The following CAMSAP3 variants were observed in gnomAD, a reference collection of about 807,000 sequenced individuals.
CAMSAP3 encodes the protein calmodulin regulated spectrin associated protein family member 3, also known as calmodulin-regulated spectrin-associated protein 3.
Under a neutral mutation model 112.5 loss-of-function variants are expected in CAMSAP3, and 34 were observed. The observed-to-expected ratio is 0.30, with a 90% confidence interval of 0.23 to 0.40. CAMSAP3 has a LOEUF of 0.40. Ranked by LOEUF, CAMSAP3 falls within the 10% of genes least tolerant of loss-of-function variation. CAMSAP3 has a pLI of 1.00. For missense variants in CAMSAP3, 1,602 were observed against 1,770.3 expected, an observed-to-expected ratio of 0.90 and a Z score of 1.71; for synonymous variants, 868 against 799.8, an observed-to-expected ratio of 1.09 and a Z score of -1.44.
intron 1 of CAMSAP3, among the ~76,000 whole-genome samples, chr19:7,602,291 C>T (rs2030001590): frequency 6.6e-6 from 1 of 152,142 alleles, no homozygotes; most frequent in Non-Finnish European, 1.5e-5. Flanking sequence ...AAAGAATTTT[C>T]CAGCCCCAAG....
Position 7,613,086 on chromosome 19 carries a change from G to A in CAMSAP3, c.2593G>A (p.Ala865Thr), listed in dbSNP as rs1362615786. The A allele has an allele frequency of 3.2e-6, 5 of 1,547,168 alleles. No individual in the cohort carries two copies. In the Admixed American group the frequency reaches 9.8e-5, roughly 30 times the overall value. ...CGAGGACGAGGGAGACGGGAGCCCCGCTGGTGCTGAGGATTCCTTGGAGGA... is the reference window on the plus strand; with the variant it reads ...CGAGGACGAGGGAGACGGGAGCCCCACTGGTGCTGAGGATTCCTTGGAGGA... Reference protein sequence around the residue: ...AAEDEGDGSPAGAEDSLEEEA... With the variant: ...AAEDEGDGSPTGAEDSLEEEA... Residue 865 changes from alanine (A) to threonine (T), a missense_variant, in exon 11 of 17, where the codon GCT becomes ACT. Around this residue, in one of 6 missense-constraint regions of CAMSAP3, gnomAD observed 1,100 missense variants for 1,135.7 expected, o/e 0.97. Coordinates refer to ENST00000160298, the MANE Select transcript of CAMSAP3 (RefSeq NM_020902.2).
chr19:7,617,904 A>G lies in CAMSAP3; in HGVS notation c.3597A>G (p.Glu1199=). The change falls in exon 17 of 17, where the codon GAA becomes GAG. Residue 1199 remains glutamate, a synonymous_variant. Transcript: ENST00000160298. The surrounding 1 kb of genome is among the most constrained non-coding windows in gnomAD (Gnocchi z 7.5). ...GGACCGTCACGCCCGCCATGGTGGAAGGCATCTACAAGTACAACTCGGACC... is the reference window on the plus strand; with the variant it reads ...GGACCGTCACGCCCGCCATGGTGGAGGGCATCTACAAGTACAACTCGGACC... ...GPRTVTPAMV[E]GIYKYNSDRK... 1.2e-6 allele frequency: 2 copies of G among 1,614,052 alleles called. No homozygotes were observed. Among genetic ancestry groups the G allele is most frequent in the Non-Finnish European group, 1.7e-6 (2 of 1,180,020 alleles).
In CAMSAP3 at chr19:7,615,279, T is replaced by C. The variant is rs965811457; in HGVS notation, c.2767T>C (p.Trp923Arg). ...RAEEARRRKQWQEVEKEQRRE... is the reference protein window; with the variant it reads ...RAEEARRRKQRQEVEKEQRRE... ...AGAGGAGGCGCGGCGGCGCAAGCAG[T>C]GGCAGGAGGTGGAGAAGGAACAGCG... Residue 923 changes from tryptophan (W) to arginine (R), a missense_variant, in exon 12 of 17, where the codon TGG (tryptophan) becomes CGG (arginine). By Grantham distance (101) the Trp-to-Arg change is moderately radical (BLOSUM62 -3). Around this residue, in one of 6 missense-constraint regions of CAMSAP3, gnomAD observed 1,100 missense variants for 1,135.7 expected, o/e 0.97. Coordinates refer to ENST00000160298, the MANE Select transcript of CAMSAP3 (RefSeq NM_020902.2). The surrounding 1 kb of genome is among the most constrained non-coding windows in gnomAD (Gnocchi z 6.5). 6.5e-7 allele frequency: 1 copy of C among 1,549,042 alleles called. No individual in the cohort carries two copies.
intron 13 of CAMSAP3, 114 bp from the exon 14 acceptor site, chr19:7,616,409 G>A (rs1021037707): frequency 2.2e-5 from 17 of 775,140 alleles, no homozygotes; most frequent in South Asian, 5.8e-5. Context: ...GCAGAGGGCC[G>A]AGGGGTCTTG....
chr19:7,613,115 G>A lies in CAMSAP3; in HGVS notation c.2622G>A (p.Glu874=). ...GTGCTGAGGATTCCTTGGAGGAGGAGGCGTCTTCGGAGGGGGAGCCCCGGG... is the reference window on the plus strand; with the variant it reads ...GTGCTGAGGATTCCTTGGAGGAGGAAGCGTCTTCGGAGGGGGAGCCCCGGG... The part of the protein sequence containing the change: ...PAGAEDSLEE[E]ASSEGEPRVG... The change falls in exon 11 of 17, where the codon GAG becomes GAA. Residue 874 remains glutamate (E), a synonymous_variant. Transcript: ENST00000160298. 6.5e-7 allele frequency: 1 copy of A among 1,545,422 alleles called. No homozygotes were observed. The highest frequency in any genetic ancestry group is 8.7e-7 in the Non-Finnish European group (1 of 1,145,482).
chr19:7,602,631 T>C (rs2030017405), intron 1 of CAMSAP3, among the ~76,000 whole-genome samples: 1 of 139,034 alleles, frequency 7.2e-6, no homozygotes, highest in African/African-American at 2.8e-5. Context: ...AGGGGAGGTG[T>C]GGGTGAGATG....
chr19:7,618,145 C>A lies in CAMSAP3; in HGVS notation c.*88C>A. ...GTCAGTCGGTATTCCTGGGTCCTGT[C>A]TGTCCCCAACCGTGTCTGGGTGGGG... On this transcript the variant is annotated 3_prime_UTR_variant, in exon 17 of 17. Coordinates refer to ENST00000160298, the MANE Select transcript of CAMSAP3 (RefSeq NM_020902.2). 1 of 1,426,454 alleles carries A rather than the reference C, an allele frequency of 7.0e-7. No individual in the cohort carries two copies. The highest frequency in any genetic ancestry group is 9.5e-7 in the Non-Finnish European group (1 of 1,055,604). The allele number at this position is 1,426,454 out of a possible 1,614,324, so 88.4% of individuals were successfully genotyped here.
At chr19:7,596,210 G>GT (rs1393179467) in intron 1 of CAMSAP3, 60 bp downstream of exon 1, 4 of 623,702 alleles carry the variant, frequency 6.4e-6, no homozygotes, top group Non-Finnish European at 8.1e-6. Flanking sequence ...AGGTGCTGGG[G>GT]GGGGGCGGGG....
rs139180155 is a variant in CAMSAP3 at position 7,610,355 on chromosome 19, C to A, written c.761-121C>A. The A allele has an allele frequency of 1.0e-2, 8,452 of 845,278 alleles. 83 individuals are homozygous for A. The highest frequency in any genetic ancestry group is 0.01 in the Non-Finnish European group (5,541 of 543,088). 52.4% of individuals were successfully genotyped at this position (845,278 alleles called of 1,614,324 possible). A position where few individuals can be genotyped will look rare whatever the true frequency, so the allele number is the denominator to read the frequency against. On this transcript the variant is annotated intron_variant, in intron 5 of 16. Transcript: ENST00000160298. This position sits in a 1 kb window ranked among gnomAD's most constrained non-coding sequence, Gnocchi z 4.9. ...AAAAGAATTCACCTCTCGAAGGGCACCTGGCAGAAGCTGGGCTCATAGGAG... is the reference window on the plus strand; with the variant it reads ...AAAAGAATTCACCTCTCGAAGGGCAACTGGCAGAAGCTGGGCTCATAGGAG...
rs539090062 is a variant in CAMSAP3, at chr19:7,610,041, G to A, written c.761-435G>A. On this transcript the variant is annotated intron_variant, in intron 5 of 16. Transcript: ENST00000160298. This position sits in a 1 kb window ranked among gnomAD's most constrained non-coding sequence, Gnocchi z 4.9. ...GTCTATCATATAATTCACCTCGGCC[G>A]GGTACAGTGGCTCACGCCTGTAATC... Among the ~76,000 whole-genome samples, 6 of 152,232 alleles carry A rather than the reference G, an allele frequency of 3.9e-5. No homozygotes were observed. Among genetic ancestry groups the A allele is most frequent in the Admixed American group, 2.0e-4 (3 of 15,294 alleles).
chr19:7,616,140 T>C (rs556328485), intron 13 of CAMSAP3, among the ~76,000 whole-genome samples: 2 of 151,158 alleles, frequency 1.3e-5, no homozygotes, highest in African/African-American at 2.4e-5. Flanking sequence ...TGAGCCAAGA[T>C]TGCACCACTG....
chr19:7,612,057 C>G lies in CAMSAP3; in HGVS notation c.1564C>G (p.His522Asp). The G allele has an allele frequency of 6.2e-7, 1 of 1,611,128 alleles. No individual in the cohort carries two copies. Among genetic ancestry groups the G allele is most frequent in the South Asian group, 1.1e-5 (1 of 90,940 alleles). ...RPTKAPVYMP[H>D]PETPSKPSPC... is the part of the protein sequence containing the mutation. ...CACCAAAGCACCAGTGTACATGCCA[C>G]ACCCCGAGACCCCCTCGAAACCATC... The change falls in exon 11 of 17, where the codon CAC becomes GAC. Residue 522 changes from histidine to aspartate, a missense_variant. By Grantham distance (81) the His-to-Asp change is moderately conservative (BLOSUM62 -1). This residue lies in a region of CAMSAP3 where 1,100 missense variants were observed against 1,135.7 expected (regional missense o/e 0.97). Transcript: ENST00000160298.
intron 1 of CAMSAP3, among the ~76,000 whole-genome samples, chr19:7,603,280 T>C (rs2030052868): frequency 6.6e-6 from 1 of 151,034 alleles, no homozygotes; most frequent in South Asian, 2.1e-4. Flanking sequence ...AGTGGCGCAA[T>C]CTCAGCTGGC....
chr19:7,600,963 T>TATCCATCCATCC (rs528936186), intron 1 of CAMSAP3, among the ~76,000 whole-genome samples: 1 of 124,324 alleles, frequency 8.0e-6, no homozygotes, highest in Non-Finnish European at 1.8e-5. Flanking sequence ...TTCATCCATT[T>TATCCATCCATCC]ATCCATCCAT....
chr19:7,612,655 C>A lies in CAMSAP3; in HGVS notation c.2162C>A (p.Thr721Lys). The A allele has an allele frequency of 6.6e-7, 1 of 1,515,048 alleles. No homozygotes were observed. Among genetic ancestry groups the A allele is most frequent in the Non-Finnish European group, 8.8e-7 (1 of 1,132,962 alleles). 93.9% of individuals were successfully genotyped at this position (1,515,048 alleles called of 1,614,324 possible). ...SSLQRDMQRL[T>K]DQQQRLLAPP... Reference sequence around the variant, plus strand: ...CTGCAGCGGGACATGCAGAGGCTCACGGACCAGCAGCAGCGGCTCCTGGCC... The same window carrying A: ...CTGCAGCGGGACATGCAGAGGCTCAAGGACCAGCAGCAGCGGCTCCTGGCC... Residue 721 changes from threonine to lysine, a missense_variant, in exon 11 of 17, where the codon ACG (threonine) becomes AAG (lysine). Coordinates refer to ENST00000160298, the MANE Select transcript of CAMSAP3 (RefSeq NM_020902.2).
In CAMSAP3 at chr19:7,612,635, G is replaced by C; in HGVS notation, c.2142G>C (p.Gln714His). ...SKLSAALSSL[Q>H]RDMQRLTDQQ... is the part of the protein sequence containing the mutation. ...TGAGTGCCGCCTTGAGCTCGCTGCA[G>C]CGGGACATGCAGAGGCTCACGGACC... Residue 714 changes from glutamine to histidine, a missense_variant, in exon 11 of 17, where the codon CAG (glutamine) becomes CAC (histidine). By Grantham distance (24) the Gln-to-His change is conservative. Coordinates refer to ENST00000160298, the MANE Select transcript of CAMSAP3 (RefSeq NM_020902.2). 6.6e-7 allele frequency: 1 copy of C among 1,522,068 alleles called. No homozygotes were observed. The highest frequency in any genetic ancestry group is 8.8e-7 in the Non-Finnish European group (1 of 1,136,744). 94.3% of individuals were successfully genotyped at this position (1,522,068 alleles called of 1,614,324 possible).
Position 7,610,842 on chromosome 19 carries a change from CA to C in CAMSAP3, c.995-32del, listed in dbSNP as rs779718252. 5 of 1,609,608 alleles carry C rather than the reference CA, an allele frequency of 3.1e-6. No individual in the cohort carries two copies. The highest frequency in any genetic ancestry group is 4.2e-6 in the Non-Finnish European group (5 of 1,179,134). ...CCGGGTCGGGGGCGGGTGGGAGAGC[CA>C]AACCCCCGCCTGACCCTCTTCTCTG... On this transcript the variant is annotated intron_variant, in intron 7 of 16. Coordinates refer to ENST00000160298, the MANE Select transcript of CAMSAP3 (RefSeq NM_020902.2). This position sits in a 1 kb window ranked among gnomAD's most constrained non-coding sequence, Gnocchi z 4.9.
chr19:7,616,620 T>G lies in CAMSAP3; in HGVS notation c.3210T>G (p.Ser1070=). 2 of 1,604,196 alleles carry G rather than the reference T, an allele frequency of 1.2e-6. No homozygotes were observed. Among genetic ancestry groups the G allele is most frequent in the Non-Finnish European group, 1.7e-6 (2 of 1,177,692 alleles). ...ACCTCGGGGTGAAGAGGCCCACGTC[T>G]CGGTGAGTTTAGCCCGCACAGGCGG... ...HNNLGVKRPT[S]RAPSPSGLMS... Residue 1070 remains serine (S), a splice_region_variant and synonymous_variant, in exon 14 of 17, where the codon TCT becomes TCG. Transcript: ENST00000160298.
rs1168604138 is a variant in CAMSAP3 at position 7,615,121 on chromosome 19, AG to A, written c.2671-61del. The A allele has an allele frequency of 1.3e-6, 2 of 1,542,726 alleles. No homozygotes were observed. The highest frequency in any genetic ancestry group is 3.9e-5 in the Admixed American group (2 of 51,012). ...GTGGCGGGCAGGCTGGGTGGAGGGA[AG>A]ATGGGCCTCCAGCCATGTTGGGGGA... is the stretch of plus-strand genomic sequence containing the variant. On this transcript the variant is annotated intron_variant, in intron 11 of 16. Transcript: ENST00000160298. This position sits in a 1 kb window ranked among gnomAD's most constrained non-coding sequence, Gnocchi z 6.5.
Sources: allele counts gnomAD v4.1 joint callset (sites outside exome capture counted in the v4.1 genomes callset), GRCh38; gene constraint gnomAD v4.1.1; regional missense constraint gnomAD v4.1.1; non-coding constraint Gnocchi (gnomAD v3.1); transcripts MANE v1.5; gene names NCBI Gene and HGNC (gene_info 2026-07-23, HGNC 2026-07-21).